Variants in ASTN2 observed in about 807,000 individuals in gnomAD.
The protein encoded by ASTN2 is astrotactin-2.
A neutral mutation model predicts 139.8 loss-of-function variants in ASTN2; 54 were observed. That is an observed-to-expected ratio of 0.39 (90% CI 0.31 to 0.48). The LOEUF (loss-of-function observed/expected upper bound fraction) is 0.48. Ranked by LOEUF, ASTN2 falls within the 20% of genes least tolerant of loss-of-function variation. The pLI, the probability that ASTN2 is intolerant of heterozygous loss-of-function variation, is 0.95. For missense variants in ASTN2, 1,565 were observed against 1,725.1 expected, an observed-to-expected ratio of 0.91 and a Z score of 1.64; for synonymous variants, 756 against 719.5, an observed-to-expected ratio of 1.05 and a Z score of -0.81.
intron 13 of ASTN2, among the ~76,000 whole-genome samples, chr9:116,800,114 CTTCT>C (rs1830805358): frequency 1.3e-5 from 2 of 152,054 alleles, no homozygotes; most frequent in South Asian, 2.1e-4. Context: ...GAACTGTGTC[CTTCT>C]TTCTTGATCT....
At chr9:117,210,940 C>A (rs1365146285) in intron 3 of ASTN2, among the ~76,000 whole-genome samples, 3 of 118,394 alleles carry the variant, frequency 2.5e-5, no homozygotes, top group African/African-American at 6.3e-5. Flanking sequence ...GAAGGACAAT[C>A]AATAGAATGA....
chr9:117,284,631 G>T (rs1834403387), intron 2 of ASTN2, among the ~76,000 whole-genome samples: 1 of 152,216 alleles, frequency 6.6e-6, no homozygotes, highest in African/African-American at 2.4e-5. Context: ...ATAAATGTCT[G>T]TCTTTTAAGC....
rs1315878914 is a variant in ASTN2 at position 117,414,928 on chromosome 9, G to C, written c.11C>G (p.Ala4Gly). Reference sequence around the variant, plus strand: ...GGGGCCGGGGCTGAGCCGGGCGCCGGCGGCGGCCATGGCGGGAGGGGCTGC... The same window carrying C: ...GGGGCCGGGGCTGAGCCGGGCGCCGCCGGCGGCCATGGCGGGAGGGGCTGC... MAA[A>G]GARLSPGPGS... Residue 4 changes from alanine to glycine, a missense_variant, in exon 1 of 23, where the codon GCC becomes GGC. Physicochemically the swap from Ala to Gly is moderately conservative, Grantham distance 60. Around this residue, in one of 4 missense-constraint regions of ASTN2, gnomAD observed 596 missense variants for 576.8 expected, o/e 1.03. Transcript: ENST00000313400. The surrounding 1 kb of genome is among the most constrained non-coding windows in gnomAD (Gnocchi z 4.2). 2.2e-6 allele frequency: 1 copy of C among 445,228 alleles called. No individual in the cohort carries two copies. The highest frequency in any genetic ancestry group is 3.2e-6 in the Non-Finnish European group (1 of 316,218). The allele number at this position is 445,228 out of a possible 1,614,324, so 27.6% of individuals were successfully genotyped here.
intron 10 of ASTN2, among the ~76,000 whole-genome samples, chr9:116,878,430 C>T (rs1046827564): frequency 6.6e-6 from 1 of 152,160 alleles, no homozygotes; most frequent in Non-Finnish European, 1.5e-5. Context: ...AGCCATTATC[C>T]TCAGCAAACT....
In ASTN2 at chr9:116,814,203, C is replaced by G. The variant is rs922340139; in HGVS notation, c.2207+6414G>C. Among the ~76,000 whole-genome samples the G allele has an allele frequency of 4.6e-5, 7 of 152,034 alleles. 1 individual carries two copies. Among genetic ancestry groups the G allele is most frequent in the African/African-American group, 1.4e-4 (6 of 41,406 alleles). On this transcript the variant is annotated intron_variant, in intron 12 of 22. Coordinates refer to ENST00000313400, the MANE Select transcript of ASTN2 (RefSeq NM_001365068.1). ...CTTCCCAGCTTTCCTAGTGCAGAAA[C>G]CTGTGAAAACCCCACCCTGGGATCA...
At chr9:116,645,765 CCT>C (rs1225818504) in intron 17 of ASTN2, among the ~76,000 whole-genome samples, 1 of 152,130 alleles carries the variant, frequency 6.6e-6, no homozygotes, top group Non-Finnish European at 1.5e-5. Context: ...AGAAAATGCC[CCT>C]GAGATCCCTC....
chr9:116,699,945 C>G lies in ASTN2; in HGVS notation c.2806+25826G>C. 1 of 611,622 alleles carries G rather than the reference C, an allele frequency of 1.6e-6. No individual in the cohort carries two copies. Among genetic ancestry groups the G allele is most frequent in the Non-Finnish European group, 2.9e-6 (1 of 344,978 alleles). 37.9% of individuals were successfully genotyped at this position (611,622 alleles called of 1,614,324 possible). A position where few individuals can be genotyped will look rare whatever the true frequency, so the allele number is the denominator to read the frequency against. ...CAAATAGGACACACGATGGTGTTAG[C>G]TGAAGTTTGATTAGCAATTAGGCAC... On this transcript the variant is annotated intron_variant, in intron 16 of 22. Transcript: ENST00000313400. This position sits in a 1 kb window ranked among gnomAD's most constrained non-coding sequence, Gnocchi z 4.2.
At chr9:116,946,261 A>T (rs1835391701) in intron 10 of ASTN2, among the ~76,000 whole-genome samples, 1 of 152,126 alleles carries the variant, frequency 6.6e-6, no homozygotes, top group Admixed American at 6.5e-5. Context: ...GTCCCCAGTG[A>T]TCTCTCCCTT....
chr9:116,511,193 T>C lies in ASTN2; in HGVS notation c.3356-23693A>G, dbSNP rs958435142. On this transcript the variant is annotated intron_variant, in intron 19 of 22. Transcript: ENST00000313400. ...ATACGTCCGATCAATACCTAACTTA[T>C]TGAGAGTTTTTAGCATGAAGGGTTG... 2.6e-5 allele frequency among the ~76,000 whole-genome samples: 4 copies of C among 152,180 alleles called. No homozygotes were observed. The East Asian group carries it at 5.8e-4, about 22-fold the overall frequency.
intron 13 of ASTN2, among the ~76,000 whole-genome samples, chr9:116,763,637 C>A (rs1048225523): frequency 1.6e-4 from 25 of 152,178 alleles, no homozygotes; most frequent in African/African-American, 5.6e-4. Flanking sequence ...CTAACTCCCA[C>A]AATGATTGGC....
In ASTN2 at chr9:116,960,851, C is replaced by A. The variant is rs559854765; in HGVS notation, c.1889+14357G>T. Among the ~76,000 whole-genome samples, 3 of 152,324 alleles carry A rather than the reference C, an allele frequency of 2.0e-5. No individual in the cohort carries two copies. The South Asian group carries it at 6.2e-4, about 32-fold the overall frequency. ...CCTTCTAGATGCCATGTTTACCTGACTGGACCAGACACCTGCACAGCTGAC... is the reference window on the plus strand; with the variant it reads ...CCTTCTAGATGCCATGTTTACCTGAATGGACCAGACACCTGCACAGCTGAC... On this transcript the variant is annotated intron_variant, in intron 10 of 22. Coordinates refer to ENST00000313400, the MANE Select transcript of ASTN2 (RefSeq NM_001365068.1).
chr9:116,651,512 G>C lies in ASTN2; in HGVS notation c.3072+16C>G, dbSNP rs1330723843. 1 of 1,609,778 alleles carries C rather than the reference G, an allele frequency of 6.2e-7. No individual in the cohort carries two copies. Among genetic ancestry groups the C allele is most frequent in the East Asian group, 2.2e-5 (1 of 44,728 alleles). On this transcript the variant is annotated intron_variant, in intron 17 of 22. Coordinates refer to ENST00000313400, the MANE Select transcript of ASTN2 (RefSeq NM_001365068.1). ...CTGGTCAAGTTTGACTGAGTGGCTG[G>C]GCCAGGGGAGCTCACCTCCTTTGTG...
chr9:116,727,824 G>A (rs1045862456), intron 15 of ASTN2, among the ~76,000 whole-genome samples: 3 of 152,238 alleles, frequency 2.0e-5, no homozygotes, highest in East Asian at 3.9e-4. Context: ...GAAGAAAAAT[G>A]GGATAAATAA....
rs550242696 is a variant in ASTN2 at position 117,164,261 on chromosome 9, T to C, written c.1016-22783A>G. ...GAACAACATTGAGACAAGGTCAGGA[T>C]GAGAATGCAGGCAGAAATCTGCCCC... On this transcript the variant is annotated intron_variant, in intron 3 of 22. Transcript: ENST00000313400. Among the ~76,000 whole-genome samples the C allele has an allele frequency of 2.0e-5, 3 of 152,150 alleles. No homozygotes were observed. The South Asian group carries it at 6.2e-4, about 32-fold the overall frequency.
At chr9:117,349,498 T>C (rs1372189544) in intron 1 of ASTN2, among the ~76,000 whole-genome samples, 1 of 152,174 alleles carries the variant, frequency 6.6e-6, no homozygotes, top group African/African-American at 2.4e-5. Flanking sequence ...CAAGTGAACT[T>C]ATTCATGCTG....
At chr9:117,252,405 A>G (rs377638457) in intron 2 of ASTN2, among the ~76,000 whole-genome samples, 27 of 152,208 alleles carry the variant, frequency 1.8e-4, no homozygotes, top group African/African-American at 5.3e-4. Flanking sequence ...TCGTTCATTC[A>G]TTTAATCAAC....
At chr9:116,935,242 C>T (rs1205649263) in intron 10 of ASTN2, among the ~76,000 whole-genome samples, 1 of 152,158 alleles carries the variant, frequency 6.6e-6, no homozygotes, top group Non-Finnish European at 1.5e-5. Context: ...GGATTTGAGG[C>T]TGAGAGAGTC....
At chr9:117,032,927 T>C (rs1838287126) in intron 6 of ASTN2, among the ~76,000 whole-genome samples, 1 of 152,174 alleles carries the variant, frequency 6.6e-6, no homozygotes, top group Non-Finnish European at 1.5e-5. Flanking sequence ...AAAGATGATG[T>C]TAACCATTTA....
chr9:116,803,512 ATATATATATATTTTTTTT>A, intron 13 of ASTN2, among the ~76,000 whole-genome samples: 1 of 7,532 alleles, frequency 1.3e-4, no homozygotes, highest in East Asian at 0.01. Context: ...ATATATATAT[ATATATATATATTTTTTTT>A]TTTTTTTTTT....
Sources: gnomAD v4.1 joint callset for allele counts (sites outside exome capture counted in the v4.1 genomes callset) on GRCh38, gnomAD v4.1.1 for gene constraint, gnomAD v4.1.1 regional missense constraint, Gnocchi (gnomAD v3.1) non-coding constraint, MANE v1.5 for transcripts, NCBI Gene and HGNC (gene_info 2026-07-23, HGNC 2026-07-21) for gene names.